Variants in HMCN2 observed in about 807,000 individuals in gnomAD.
The protein encoded by HMCN2 is hemicentin-2.
A neutral mutation model predicts 377.5 loss-of-function variants in HMCN2; 325 were observed. The observed-to-expected ratio is 0.86, with a 90% CI of 0.79 to 0.94. HMCN2 has a LOEUF of 0.94. HMCN2 is among the 40% of genes least tolerant of loss of function. HMCN2 has a pLI of 0.00. For synonymous variants in HMCN2, 2,007 were observed against 2,046.8 expected (o/e 0.98, Z 0.53); for missense variants, 4,543 against 4,725.3 (o/e 0.96, Z 1.13).
At position 130,347,601 on chromosome 9, in the gene HMCN2, G is replaced by C. The variant is rs959277782; in HGVS notation, c.4024+241G>C. On this transcript the variant is annotated intron_variant, in intron 26 of 97. Transcript: ENST00000683500. This position sits in a 1 kb window ranked among gnomAD's most constrained non-coding sequence, Gnocchi z 5.1. ...CAGGGAGGGCTTGAGGGGGCTGGGA[G>C]AGTGGCAGGTTGCACTGTACACCCC... Among the ~76,000 whole-genome samples, 1 of 152,180 alleles carries C rather than the reference G, an allele frequency of 6.6e-6. No individual in the cohort carries two copies.
At chr9:130,336,225 A>G (rs1838741207) in intron 22 of HMCN2, among the ~76,000 whole-genome samples, 2 of 152,264 alleles carry the variant, frequency 1.3e-5, no homozygotes. Flanking sequence ...TGGTGTGATC[A>G]TACAAGGGAA....
rs143326137 is a variant in HMCN2, at chr9:130,418,276, G to A, written c.12962-496G>A. Among the ~76,000 whole-genome samples the A allele has an allele frequency of 3.6e-3, 546 of 152,276 alleles. 1 individual carries two copies. Among genetic ancestry groups the A allele is most frequent in the Admixed American group, 5.4e-3 (83 of 15,296 alleles). On this transcript the variant is annotated intron_variant, in intron 85 of 97. Transcript: ENST00000683500. ...CTATTGCAGAGGAAAAATAAAAGCA[G>A]ATGGCCGGGCGTGGTGGCTCATGCC... is the stretch of plus-strand genomic sequence containing the variant.
At position 130,269,266 on chromosome 9, in the gene HMCN2, CTTTTTTTTT is replaced by C. The variant is rs56326154; in HGVS notation, c.259+3141_259+3149del. 2.2e-3 allele frequency among the ~76,000 whole-genome samples: 256 copies of C among 116,536 alleles called. 2 individuals carry two copies. The highest frequency in any genetic ancestry group is 7.4e-3 in the African/African-American group (247 of 33,582). 76.5% of individuals were successfully genotyped at this position (116,536 alleles called of 152,430 possible). A position where few individuals can be genotyped will look rare whatever the true frequency, so the allele number is the denominator to read the frequency against. ...AATCATTGCAAAAGAGCCCTGGTTC[CTTTTTTTTT>C]TTTTTTTTTTTGAAATTAGTAGTAG... On this transcript the variant is annotated intron_variant, in intron 1 of 97. Transcript: ENST00000683500.
chr9:130,338,769 T>C (rs1202402076), intron 23 of HMCN2, among the ~76,000 whole-genome samples: 1 of 152,242 alleles, frequency 6.6e-6, no homozygotes, highest in African/African-American at 2.4e-5. Flanking sequence ...AAGGGCCCAA[T>C]CTGCCCTCCT....
intron 5 of HMCN2, 117 bp downstream of exon 5, chr9:130,295,143 T>G (rs973647195): frequency 2.8e-5 from 8 of 284,104 alleles, no homozygotes; most frequent in Admixed American, 1.4e-4. Flanking sequence ...GCTCCAGGAA[T>G]AGGGAAATAT....
rs1397032646 is a variant in HMCN2 at position 130,429,564 on chromosome 9, C to T, written c.14205C>T (p.Asp4735=). ...VADGAGCEDV[D]ECLEGLDDCH... ...CATGCCCCTGCCTCCCAGATGTGGACGAATGCCTGGAGGGGTTGGACGACT... is the reference window on the plus strand; with the variant it reads ...CATGCCCCTGCCTCCCAGATGTGGATGAATGCCTGGAGGGGTTGGACGACT... Residue 4735 remains aspartate (D), a synonymous_variant, in exon 94 of 98, where the codon GAC becomes GAT. Coordinates refer to ENST00000683500, the MANE Select transcript of HMCN2 (RefSeq NM_001291815.2). 2.0e-5 allele frequency: 31 copies of T among 1,550,414 alleles called. No individual in the cohort carries two copies. The highest frequency in any genetic ancestry group is 3.6e-5 in the South Asian group (3 of 84,052).
rs183434419 is a variant in HMCN2, at chr9:130,383,321, C to T, written c.8734-183C>T. Among the ~76,000 whole-genome samples the T allele has an allele frequency of 9.2e-5, 14 of 152,322 alleles. No individual in the cohort carries two copies. The East Asian group carries it at 2.7e-3, about 29-fold the overall frequency. ...CTACAGAGAACCACCCAACACCAAC[C>T]TCACACGCCCGCTCCTGAGCGCCAC... On this transcript the variant is annotated intron_variant, in intron 56 of 97. Coordinates refer to ENST00000683500, the MANE Select transcript of HMCN2 (RefSeq NM_001291815.2).
At chr9:130,354,141 A>G (rs1449450729) in intron 31 of HMCN2, among the ~76,000 whole-genome samples, 2 of 152,222 alleles carry the variant, frequency 1.3e-5, no homozygotes, top group Non-Finnish European at 2.9e-5. Flanking sequence ...AAATAAGGTT[A>G]AGAAGCATCT....
In HMCN2 at chr9:130,299,987, C is replaced by A. The variant is rs370634230; in HGVS notation, c.1276+699C>A. Among the ~76,000 whole-genome samples the A allele has an allele frequency of 8.6e-5, 13 of 151,326 alleles. No homozygotes were observed. In the South Asian group the frequency reaches 2.1e-3, roughly 25 times the overall value. On this transcript the variant is annotated intron_variant, in intron 8 of 97. Coordinates refer to ENST00000683500, the MANE Select transcript of HMCN2 (RefSeq NM_001291815.2). ...CCCACCCGCTCACTCACCCACCCAT[C>A]TACCCATTCATGCATCCATCCACTT...
Position 130,312,539 on chromosome 9 carries a change from C to CCCTTCTTT in HMCN2, c.2350+2479_2350+2480insCTTCTTTC, listed in dbSNP as rs1554939344. Among the ~76,000 whole-genome samples, 29 of 6,636 alleles carry CCCTTCTTT rather than the reference C, an allele frequency of 4.4e-3. 7 individuals are homozygous for CCCTTCTTT. The highest frequency in any genetic ancestry group is 0.011 in the South Asian group (1 of 94). The allele number at this position is 6,636 out of a possible 152,430, so 4.4% of individuals were successfully genotyped here. ...TCCCTCCCTCCCTCCCTCCCTCCCT[C>CCCTTCTTT]CTTTCTTTCTTTCTTTCTTTCTTTC... On this transcript the variant is annotated intron_variant, in intron 15 of 97. Transcript: ENST00000683500.
At chr9:130,380,824 C>A (rs1187213199) in intron 54 of HMCN2, among the ~76,000 whole-genome samples, 1 of 151,704 alleles carries the variant, frequency 6.6e-6, no homozygotes, top group Non-Finnish European at 1.5e-5. Flanking sequence ...AGGCCTCTTG[C>A]AGATCCAGGA....
intron 40 of HMCN2, among the ~76,000 whole-genome samples, chr9:130,364,025 G>A (rs1588315264): frequency 6.6e-6 from 1 of 152,152 alleles, no homozygotes; most frequent in East Asian, 1.9e-4. Flanking sequence ...GAAAGAAAAC[G>A]AATGAACGTA....
chr9:130,348,525 C>T lies in HMCN2; in HGVS notation c.4025-20C>T, dbSNP rs768694699. On this transcript the variant is annotated intron_variant, in intron 26 of 97. Transcript: ENST00000683500. ...CTAAGGGGGCAGGGAAGCAGCTCCT[C>T]GGCTCTCCTTGCCCCCAAGTGCCCC... The T allele has an allele frequency of 8.6e-5, 112 of 1,302,418 alleles. 1 individual carries two copies. Among genetic ancestry groups the T allele is most frequent in the South Asian group, 2.7e-4 (22 of 80,966 alleles). 80.7% of individuals were successfully genotyped at this position (1,302,418 alleles called of 1,614,324 possible).
At chr9:130,401,470 C>A (rs565630729) in intron 77 of HMCN2, among the ~76,000 whole-genome samples, 1 of 152,088 alleles carries the variant, frequency 6.6e-6, no homozygotes, top group African/African-American at 2.4e-5. Flanking sequence ...ATTACAGGCA[C>A]CTGCCATCAT....
chr9:130,305,971 A>G (rs1836828672), intron 11 of HMCN2, among the ~76,000 whole-genome samples, 158 bp from the exon 12 acceptor site: 2 of 152,182 alleles, frequency 1.3e-5, no homozygotes, highest in South Asian at 4.1e-4. Context: ...CAATTCCCAG[A>G]GAAGCCACAC....
At chr9:130,283,278 A>G (rs962017166) in intron 1 of HMCN2, among the ~76,000 whole-genome samples, 2 of 152,058 alleles carry the variant, frequency 1.3e-5, no homozygotes, top group Non-Finnish European at 2.9e-5. Context: ...AAAAAAAAAA[A>G]ACTCTTTGTT....
intron 3 of HMCN2, among the ~76,000 whole-genome samples, chr9:130,285,966 C>A (rs563322875): frequency 7.6e-4 from 116 of 152,326 alleles, no homozygotes; most frequent in African/African-American, 2.6e-3. Flanking sequence ...CTACTGTTTT[C>A]CTGGCCCTGT....
In HMCN2 at chr9:130,347,820, A is replaced by C. The variant is rs143018421; in HGVS notation, c.4024+460A>C. On this transcript the variant is annotated intron_variant, in intron 26 of 97. Transcript: ENST00000683500. The surrounding 1 kb of genome is among the most constrained non-coding windows in gnomAD (Gnocchi z 5.1). Reference sequence around the variant, plus strand: ...TGCTTGAGCCCAGGAGATCGAGACCAGTTTGGGAGAGAGAGACCCTGTCTC... The same window carrying C: ...TGCTTGAGCCCAGGAGATCGAGACCCGTTTGGGAGAGAGAGACCCTGTCTC... 6.8e-3 allele frequency among the ~76,000 whole-genome samples: 1,036 copies of C among 152,280 alleles called. 13 individuals carry two copies. The highest frequency in any genetic ancestry group is 0.024 in the African/African-American group (989 of 41,530).
At position 130,303,713 on chromosome 9, in the gene HMCN2, T is replaced by G. The variant is rs923944013; in HGVS notation, c.1543+105T>G. The G allele has an allele frequency of 9.0e-5, 19 of 210,840 alleles. No individual in the cohort carries two copies. In the South Asian group the frequency reaches 9.2e-4, roughly 10 times the overall value. 13.1% of individuals were successfully genotyped at this position (210,840 alleles called of 1,614,324 possible). A position where few individuals can be genotyped will look rare whatever the true frequency, so the allele number is the denominator to read the frequency against. ...AGTCTCCAGCCAGCTGCTGGGACAA[T>G]TCGTCATGCCGGGTCTGGCTGCCCA... On this transcript the variant is annotated intron_variant, in intron 10 of 97. Transcript: ENST00000683500. The surrounding 1 kb of genome is among the most constrained non-coding windows in gnomAD (Gnocchi z 5.2).
Sources: allele counts gnomAD v4.1 joint callset (sites outside exome capture counted in the v4.1 genomes callset), GRCh38; gene constraint gnomAD v4.1.1; non-coding constraint Gnocchi (gnomAD v3.1); transcripts MANE v1.5; gene names NCBI Gene and HGNC (gene_info 2026-07-23, HGNC 2026-07-21).